The following PLCB1 variants were observed in gnomAD, a reference collection of about 807,000 sequenced individuals.
PLCB1 encodes the protein 1-phosphatidylinositol 4,5-bisphosphate phosphodiesterase beta-1.
In PLCB1, 46 loss-of-function variants were observed where a neutral mutation model predicts 161.8. That is an observed-to-expected ratio of 0.28 (90% confidence interval 0.22 to 0.36). PLCB1 has a LOEUF of 0.36. Ranked by LOEUF, PLCB1 falls within the 10% of genes least tolerant of loss-of-function variation. PLCB1 has a pLI of 1.00. For synonymous variants in PLCB1, 517 were observed against 503.7 expected, an observed-to-expected ratio of 1.03 and a Z score of -0.35; for missense variants, 1,016 against 1,472.5, an observed-to-expected ratio of 0.69 and a Z score of 5.07.
chr20:8,389,548 A>G (rs1046940745), intron 3 of PLCB1, among the ~76,000 whole-genome samples: 4 of 152,176 alleles, frequency 2.6e-5, no homozygotes, highest in Non-Finnish European at 5.9e-5. Context: ...ATTGTGACTC[A>G]TTTTTATCAT....
chr20:8,230,834 T>G (rs1483390801), intron 2 of PLCB1, among the ~76,000 whole-genome samples: 1 of 152,118 alleles, frequency 6.6e-6, no homozygotes, highest in African/African-American at 2.4e-5. Flanking sequence ...TGATTTAGAC[T>G]CTAGTTTAAC....
At chr20:8,180,017 C>T (rs2051824331) in intron 2 of PLCB1, among the ~76,000 whole-genome samples, 1 of 151,408 alleles carries the variant, frequency 6.6e-6, no homozygotes, top group Non-Finnish European at 1.5e-5. Context: ...CGCCACTACG[C>T]CCGGCTAATT....
At position 8,279,614 on chromosome 20, in the gene PLCB1, A is replaced by G. The variant is rs182693653; in HGVS notation, c.178-91768A>G. Among the ~76,000 whole-genome samples, 3 of 152,354 alleles carry G rather than the reference A, an allele frequency of 2.0e-5. No homozygotes were observed. The East Asian group carries it at 5.8e-4, about 29-fold the overall frequency. ...TAAAACTGTAAATTTTGTTACATGTACTTTACCATAATAAAAAAACAAATT... is the reference window on the plus strand; with the variant it reads ...TAAAACTGTAAATTTTGTTACATGTGCTTTACCATAATAAAAAAACAAATT... On this transcript the variant is annotated intron_variant, in intron 2 of 31. Transcript: ENST00000338037.
At chr20:8,793,819 G>A (rs1229402438) in intron 31 of PLCB1, among the ~76,000 whole-genome samples, 2 of 152,144 alleles carry the variant, frequency 1.3e-5, no homozygotes, top group African/African-American at 4.8e-5. Flanking sequence ...TATTAGGTGG[G>A]AATTTCCTCT....
Position 8,716,247 on chromosome 20 carries a change from T to C in PLCB1, c.1251-17T>C. The C allele has an allele frequency of 6.2e-7, 1 of 1,606,122 alleles. No individual in the cohort carries two copies. The highest frequency in any genetic ancestry group is 1.3e-5 in the African/African-American group (1 of 74,910). ...AAGCCTCCCTACTTTCCTTCTTCTG[T>C]TCTTGTTCTCCCTTAGCCCAAAGCA... On this transcript the variant is annotated splice_polypyrimidine_tract_variant and intron_variant, in intron 12 of 31. Transcript: ENST00000338037.
intron 2 of PLCB1, among the ~76,000 whole-genome samples, chr20:8,185,541 A>G (rs1036059817): frequency 7.6e-6 from 1 of 130,902 alleles, no homozygotes; most frequent in Non-Finnish European, 1.6e-5. Flanking sequence ...TAAAGAGATA[A>G]GATTATATTT....
At chr20:8,879,167 C>T (rs1987884941) in intron 31 of PLCB1, among the ~76,000 whole-genome samples, 1 of 151,986 alleles carries the variant, frequency 6.6e-6, no homozygotes, top group South Asian at 2.1e-4. Flanking sequence ...CCTACTATTC[C>T]ACATTATAAG....
chr20:8,629,834 TTTC>T (rs1264842787), intron 4 of PLCB1, among the ~76,000 whole-genome samples: 3 of 82,814 alleles, frequency 3.6e-5, no homozygotes, highest in African/African-American at 1.1e-4. Context: ...TCTTTCTTTC[TTTC>T]TTTCTTTCTT....
chr20:8,186,728 GA>G (rs945030099), intron 2 of PLCB1, among the ~76,000 whole-genome samples: 1 of 151,908 alleles, frequency 6.6e-6, no homozygotes, highest in African/African-American at 2.4e-5. Context: ...CTGTGCGAGT[GA>G]AAAAAGGGAG....
intron 3 of PLCB1, among the ~76,000 whole-genome samples, chr20:8,611,472 G>T (rs1987901602): frequency 6.6e-6 from 1 of 151,906 alleles, no homozygotes; most frequent in African/African-American, 2.4e-5. Context: ...AGTCAGTCTG[G>T]GTTGATTACC....
chr20:8,698,608 A>C (rs965867637), intron 11 of PLCB1, among the ~76,000 whole-genome samples: 12 of 152,172 alleles, frequency 7.9e-5, no homozygotes, highest in African/African-American at 2.4e-4. Flanking sequence ...TTGTTTGCTC[A>C]TACAACAAAG....
intron 3 of PLCB1, among the ~76,000 whole-genome samples, chr20:8,395,380 C>A (rs1048171500): frequency 1.3e-5 from 2 of 151,782 alleles, no homozygotes; most frequent in African/African-American, 2.4e-5. Flanking sequence ...CTTATGGATA[C>A]CAGATGAAAA....
At chr20:8,481,939 T>C (rs1017395219) in intron 3 of PLCB1, among the ~76,000 whole-genome samples, 1 of 152,104 alleles carries the variant, frequency 6.6e-6, no homozygotes, top group African/African-American at 2.4e-5. Flanking sequence ...AGTATCATGA[T>C]AACTTTCAGG....
intron 3 of PLCB1, among the ~76,000 whole-genome samples, chr20:8,466,876 C>T (rs1344440562): frequency 6.6e-6 from 1 of 152,144 alleles, no homozygotes; most frequent in Non-Finnish European, 1.5e-5. Flanking sequence ...TCAATATCCC[C>T]TCTAGGTAGA....
chr20:8,838,883 T>C (rs1299294978), intron 31 of PLCB1, among the ~76,000 whole-genome samples: 3 of 152,224 alleles, frequency 2.0e-5, no homozygotes, highest in South Asian at 4.1e-4. Context: ...TATGCAGTTA[T>C]TGATCTGGCA....
intron 31 of PLCB1, 88 bp downstream of exon 31, chr20:8,790,349 T>G: frequency 2.1e-6 from 2 of 930,262 alleles, no homozygotes; most frequent in Non-Finnish European, 3.4e-6. Context: ...ATAAGTACCT[T>G]GTACACAGTC....
intron 1 of PLCB1, among the ~76,000 whole-genome samples, chr20:8,149,622 T>C (rs571211634): frequency 2.0e-5 from 3 of 152,172 alleles, no homozygotes; most frequent in Non-Finnish European, 4.4e-5. Flanking sequence ...TATTTTCTTG[T>C]GCAGATGGTA....
At chr20:8,467,203 A>C (rs1981860693) in intron 3 of PLCB1, among the ~76,000 whole-genome samples, 1 of 152,114 alleles carries the variant, frequency 6.6e-6, no homozygotes, top group Non-Finnish European at 1.5e-5. Flanking sequence ...GGCCTCACAA[A>C]GTGCTGGGAT....
chr20:8,383,747 C>A (rs1310001994), intron 3 of PLCB1, among the ~76,000 whole-genome samples: 1 of 152,194 alleles, frequency 6.6e-6, no homozygotes, highest in East Asian at 1.9e-4. Context: ...ATTTGCTTGT[C>A]TGGAAAGGCT....
Sources: allele counts gnomAD v4.1 joint callset (sites outside exome capture counted in the v4.1 genomes callset), GRCh38; gene constraint gnomAD v4.1.1; transcripts MANE v1.5; gene names NCBI Gene and HGNC (gene_info 2026-07-23, HGNC 2026-07-21).